The following MGMT variants were observed in gnomAD, a reference collection of about 807,000 sequenced individuals.
The protein encoded by MGMT is O-6-methylguanine-DNA methyltransferase, also known as methylated-DNA--protein-cysteine methyltransferase.
MGMT carries 14 observed loss-of-function variants against 15.9 expected under a neutral mutation model. That is an observed-to-expected ratio of 0.88 (90% confidence interval 0.58 to 1.37). The LOEUF (loss-of-function observed/expected upper bound fraction) is 1.37. Among genes scored for constraint, MGMT ranks in the 40% most tolerant of loss-of-function variants. The pLI, the probability that MGMT is intolerant of heterozygous loss-of-function variation, is 0.00. For missense variants in MGMT, 282 were observed against 268.1 expected (o/e 1.05, Z -0.36); for synonymous variants, 130 against 118.2 (o/e 1.10, Z -0.65).
At chr10:129,570,812 T>G (rs1275517411) in intron 2 of MGMT, among the ~76,000 whole-genome samples, 1 of 152,202 alleles carries the variant, frequency 6.6e-6, no homozygotes. Flanking sequence ...GCCTATCCTT[T>G]AATACTATAG....
intron 2 of MGMT, among the ~76,000 whole-genome samples, chr10:129,658,176 C>T (rs79858702): frequency 0.015 from 2,266 of 152,212 alleles, 26 homozygotes; most frequent in Middle Eastern, 0.058. Flanking sequence ...AAATGGAAGA[C>T]GGGCTTCTGG....
At chr10:129,584,829 C>A (rs970156067) in intron 2 of MGMT, among the ~76,000 whole-genome samples, 1 of 152,180 alleles carries the variant, frequency 6.6e-6, no homozygotes, top group Non-Finnish European at 1.5e-5. Context: ...TAATTCCCTG[C>A]GGCCAAACAA....
intron 2 of MGMT, among the ~76,000 whole-genome samples, chr10:129,610,683 G>GT (rs1428269076): frequency 6.6e-6 from 1 of 152,218 alleles, no homozygotes; most frequent in Non-Finnish European, 1.5e-5. Flanking sequence ...TCTTATGGCT[G>GT]TTTTCCCTAT....
chr10:129,740,159 A>C (rs1848614537), intron 3 of MGMT, among the ~76,000 whole-genome samples: 1 of 152,242 alleles, frequency 6.6e-6, no homozygotes, highest in African/African-American at 2.4e-5. Flanking sequence ...GGGGTCCGGG[A>C]AAGGGTGCTT....
At chr10:129,657,976 T>C (rs1438960295) in intron 2 of MGMT, among the ~76,000 whole-genome samples, 2 of 152,132 alleles carry the variant, frequency 1.3e-5, no homozygotes, top group Non-Finnish European at 2.9e-5. Flanking sequence ...AAATGTATAT[T>C]TAATGTGGTG....
At chr10:129,510,416 G>A (rs1241177568) in intron 1 of MGMT, among the ~76,000 whole-genome samples, 3 of 152,150 alleles carry the variant, frequency 2.0e-5, no homozygotes, top group Non-Finnish European at 4.4e-5. Context: ...GTGCCCTTGA[G>A]GAAGGGTTTT....
chr10:129,713,477 G>C (rs1179414861), intron 3 of MGMT, among the ~76,000 whole-genome samples: 1 of 152,196 alleles, frequency 6.6e-6, no homozygotes, highest in Non-Finnish European at 1.5e-5. Context: ...ATCCACAGCT[G>C]AGAGTGGATG....
At chr10:129,520,398 C>T (rs935488511) in intron 1 of MGMT, among the ~76,000 whole-genome samples, 13 of 146,754 alleles carry the variant, frequency 8.9e-5, no homozygotes, top group African/African-American at 3.4e-4. Context: ...CATCTCCTTC[C>T]ATCTCCTTGT....
intron 2 of MGMT, among the ~76,000 whole-genome samples, chr10:129,629,520 C>T: frequency 6.6e-6 from 1 of 152,232 alleles, no homozygotes; most frequent in Admixed American, 6.5e-5. Flanking sequence ...GGGGTCTTAG[C>T]TCACTTTGGA....
chr10:129,600,966 TAATATC>T (rs1158818483), intron 2 of MGMT, among the ~76,000 whole-genome samples: 9 of 152,148 alleles, frequency 5.9e-5, no homozygotes, highest in Admixed American at 4.6e-4. Context: ...AAATTAATAT[TAATATC>T]AATATCAGAG....
chr10:129,692,057 C>T (rs944158047), intron 2 of MGMT, among the ~76,000 whole-genome samples: 1 of 152,206 alleles, frequency 6.6e-6, no homozygotes, highest in Non-Finnish European at 1.5e-5. Flanking sequence ...GCACAGTGCC[C>T]AGCACCCAGT....
intron 2 of MGMT, among the ~76,000 whole-genome samples, chr10:129,694,697 A>G (rs899692906): frequency 6.6e-6 from 1 of 152,144 alleles, no homozygotes; most frequent in Non-Finnish European, 1.5e-5. Flanking sequence ...TTCGCTGGGT[A>G]GAGTTTTGCT....
At chr10:129,585,016 G>A (rs1397036170) in intron 2 of MGMT, among the ~76,000 whole-genome samples, 4 of 152,242 alleles carry the variant, frequency 2.6e-5, no homozygotes, top group South Asian at 2.1e-4. Flanking sequence ...TCCTGGGTCC[G>A]ATGGCAATTG....
chr10:129,615,758 T>C (rs1353450409), intron 2 of MGMT, among the ~76,000 whole-genome samples: 1 of 152,108 alleles, frequency 6.6e-6, no homozygotes, highest in East Asian at 1.9e-4. Context: ...TGTGAGAACA[T>C]GGCCTGGGCA....
At chr10:129,469,187 C>T (rs1359136595) in intron 1 of MGMT, among the ~76,000 whole-genome samples, 2 of 152,130 alleles carry the variant, frequency 1.3e-5, no homozygotes, top group Non-Finnish European at 2.9e-5. Flanking sequence ...TTCCCCATTG[C>T]CCCCTCAGAG....
intron 2 of MGMT, among the ~76,000 whole-genome samples, chr10:129,557,805 T>C (rs930657390): frequency 6.6e-6 from 1 of 152,208 alleles, no homozygotes; most frequent in Non-Finnish European, 1.5e-5. Context: ...TGAGTGTGGA[T>C]GCCTAGGTTT....
chr10:129,510,540 C>T (rs1177988920), intron 1 of MGMT, among the ~76,000 whole-genome samples: 1 of 151,942 alleles, frequency 6.6e-6, no homozygotes, highest in African/African-American at 2.4e-5. Flanking sequence ...AGATCTGAAG[C>T]TCTGTCATGC....
intron 2 of MGMT, among the ~76,000 whole-genome samples, chr10:129,618,550 A>G (rs1039549631): frequency 2.6e-5 from 4 of 152,052 alleles, no homozygotes; most frequent in African/African-American, 9.6e-5. Flanking sequence ...TGTGATTTTC[A>G]TTCAACTGCA....
intron 2 of MGMT, among the ~76,000 whole-genome samples, chr10:129,591,451 C>T (rs1348152909): frequency 1.3e-5 from 2 of 152,104 alleles, no homozygotes; most frequent in African/African-American, 4.8e-5. Flanking sequence ...CTTCCAAGAC[C>T]GCACAGGTGC....
Sources: allele counts gnomAD v4.1 joint callset (sites outside exome capture counted in the v4.1 genomes callset), GRCh38; gene constraint gnomAD v4.1.1; transcripts MANE v1.5; gene names NCBI Gene and HGNC (gene_info 2026-07-23, HGNC 2026-07-21).